CACNA1E: variants seen among roughly 807,000 people sequenced by gnomAD.
The protein encoded by CACNA1E is voltage-dependent R-type calcium channel subunit alpha-1E.
Under a neutral mutation model 259.2 loss-of-function variants are expected in CACNA1E, and 40 were observed. The ratio of observed to expected loss-of-function variants is 0.15; its 90% CI spans 0.12 to 0.20. CACNA1E has a LOEUF of 0.20. Ranked by LOEUF, CACNA1E falls within the 10% of genes least tolerant of loss-of-function variation. The pLI is 1.00. For missense variants in CACNA1E, 1,874 were observed against 3,040.1 expected, an observed-to-expected ratio of 0.62 and a Z score of 9.02; for synonymous variants, 1,104 against 1,138.5, an observed-to-expected ratio of 0.97 and a Z score of 0.61.
At chr1:181,338,332 G>A (rs1007137401) in intron 1 of CACNA1E, among the ~76,000 whole-genome samples, 4 of 152,090 alleles carry the variant, frequency 2.6e-5, no homozygotes, top group African/African-American at 7.2e-5. Flanking sequence ...TGATCTGCCC[G>A]TCTCAGCCTC....
At chr1:181,656,765 A>T (rs1659241317) in intron 7 of CACNA1E, among the ~76,000 whole-genome samples, 1 of 152,166 alleles carries the variant, frequency 6.6e-6, no homozygotes. Flanking sequence ...ACCATTTTTT[A>T]AAATCTTTTA....
chr1:181,450,358 C>T (rs1661074120), intron 2 of CACNA1E, among the ~76,000 whole-genome samples: 1 of 152,000 alleles, frequency 6.6e-6, no homozygotes, highest in African/African-American at 2.4e-5. Context: ...GGAAAAGCTT[C>T]CTTTAAGAAC....
At chr1:181,778,244 C>CA (rs1660130326) in intron 38 of CACNA1E, among the ~76,000 whole-genome samples, 1 of 152,122 alleles carries the variant, frequency 6.6e-6, no homozygotes, top group Non-Finnish European at 1.5e-5. Flanking sequence ...AAACCAGTTG[C>CA]AAAAAATGTC....
chr1:181,482,107 AC>A, upstream of CACNA1E, among the ~76,000 whole-genome samples: 1 of 152,168 alleles, frequency 6.6e-6, no homozygotes, highest in African/African-American at 2.4e-5. Context: ...AGCCTCCTCC[AC>A]GGGGCCTCCC....
chr1:181,589,463 A>T (rs1353081792), intron 6 of CACNA1E, among the ~76,000 whole-genome samples: 1 of 152,184 alleles, frequency 6.6e-6, no homozygotes, highest in Non-Finnish European at 1.5e-5. Flanking sequence ...GTACATACAT[A>T]TACTTGTAAC....
At chr1:181,511,278 C>A in intron 2 of CACNA1E, 93 bp from the exon 3 acceptor site, 1 of 1,461,558 alleles carries the variant, frequency 6.8e-7, no homozygotes. Context: ...AGGCCCAGCA[C>A]AGACATCCAG....
At chr1:181,339,042 G>A (rs912612472) in intron 1 of CACNA1E, among the ~76,000 whole-genome samples, 31 of 152,082 alleles carry the variant, frequency 2.0e-4, no homozygotes, top group Middle Eastern at 6.8e-3. Context: ...TTATGCCTAT[G>A]TGTCTGTTTT....
intron 3 of CACNA1E, among the ~76,000 whole-genome samples, chr1:181,531,005 A>T (rs1016699018): frequency 6.6e-6 from 1 of 152,238 alleles, no homozygotes; most frequent in Non-Finnish European, 1.5e-5. Flanking sequence ...ACATCAAAGT[A>T]CATCTACATC....
intron 2 of CACNA1E, among the ~76,000 whole-genome samples, chr1:181,425,529 G>GCC (rs1202815870): frequency 1.9e-4 from 23 of 119,376 alleles, no homozygotes; most frequent in African/African-American, 9.1e-4. Context: ...GTACACCCCC[G>GCC]CTCCCCCCCC....
intron 3 of CACNA1E, among the ~76,000 whole-genome samples, chr1:181,554,403 G>A (rs80018542): frequency 7.2e-4 from 109 of 152,304 alleles, no homozygotes; most frequent in Admixed American, 1.7e-3. Context: ...CTACCATTGT[G>A]TCAGTGTAGC....
chr1:181,745,233 C>G, intron 25 of CACNA1E: 1 of 327,408 alleles, frequency 3.1e-6, no homozygotes, highest in Non-Finnish European at 6.0e-6. Context: ...AATGTGTTGT[C>G]TGCTGCATGT....
At chr1:181,788,674 C>T (rs927481484) in intron 43 of CACNA1E, among the ~76,000 whole-genome samples, 6 of 152,220 alleles carry the variant, frequency 3.9e-5, no homozygotes, top group Admixed American at 6.5e-5. Context: ...AGGCTAGTGA[C>T]GTAGGGACCA....
At chr1:181,470,865 T>C (rs1662459696) in intron 2 of CACNA1E, among the ~76,000 whole-genome samples, 1 of 152,200 alleles carries the variant, frequency 6.6e-6, no homozygotes, top group South Asian at 2.1e-4. Context: ...AGTTCCAGGC[T>C]ACAATTTCTC....
intron 2 of CACNA1E, among the ~76,000 whole-genome samples, chr1:181,467,853 T>C (rs894328735): frequency 2.0e-5 from 3 of 152,202 alleles, no homozygotes; most frequent in Non-Finnish European, 4.4e-5. Flanking sequence ...AAGGGTCATT[T>C]AGCAATGTTT....
intron 1 of CACNA1E, among the ~76,000 whole-genome samples, chr1:181,395,236 T>C (rs2102056406): frequency 6.6e-6 from 1 of 152,216 alleles, no homozygotes; most frequent in East Asian, 1.9e-4. Flanking sequence ...TCACTGATGA[T>C]TGGATATGGG....
Position 181,796,694 on chromosome 1 carries a change from G to T in CACNA1E, c.6235G>T (p.Gly2079Trp). 1 of 1,605,892 alleles carries T rather than the reference G, an allele frequency of 6.2e-7. No homozygotes were observed. The highest frequency in any genetic ancestry group is 1.1e-5 in the South Asian group (1 of 90,116). ...SGHKSDTHRS[G>W]GRERGRSKER... ...CCACAAGTCTGACACTCACCGCTCA[G>T]GGGGCAGGGAGCGGGGACGATCAAA... Residue 2079 changes from glycine (G) to tryptophan (W), a missense_variant, in exon 47 of 48, where the codon GGG (glycine) becomes TGG (tryptophan). Transcript: ENST00000367573.
chr1:181,633,107 GC>G (rs1656894023), intron 6 of CACNA1E, among the ~76,000 whole-genome samples: 1 of 152,062 alleles, frequency 6.6e-6, no homozygotes. Context: ...ACCTGAGGAT[GC>G]AAAAAAGCCA....
chr1:181,725,121 T>C (rs902238795), intron 17 of CACNA1E, among the ~76,000 whole-genome samples: 13 of 152,238 alleles, frequency 8.5e-5, no homozygotes, highest in African/African-American at 3.1e-4. Flanking sequence ...TCTACAGAGA[T>C]GAGTAAAAAC....
intron 3 of CACNA1E, among the ~76,000 whole-genome samples, chr1:181,570,549 C>T (rs185062685): frequency 2.2e-4 from 33 of 152,308 alleles, no homozygotes; most frequent in Admixed American, 2.0e-3. Flanking sequence ...TCTAAAATCA[C>T]TTTCACTAGG....
Sources: allele counts gnomAD v4.1 joint callset (sites outside exome capture counted in the v4.1 genomes callset), GRCh38; gene constraint gnomAD v4.1.1; transcripts MANE v1.5; gene names NCBI Gene and HGNC (gene_info 2026-07-23, HGNC 2026-07-21).